Variants in NBEAL1 observed in about 807,000 individuals in gnomAD.
NBEAL1 encodes the protein neurobeachin like 1.
In NBEAL1, 273 loss-of-function variants were observed where a neutral mutation model predicts 351.3. The ratio of observed to expected loss-of-function variants is 0.78; its 90% CI spans 0.70 to 0.86. The LOEUF is 0.86. NBEAL1 is among the 40% of genes least tolerant of loss of function. The pLI is 0.00. For synonymous variants in NBEAL1, 1,050 were observed against 1,086.4 expected, an observed-to-expected ratio of 0.97 and a Z score of 0.66; for missense variants, 2,961 against 3,201.3, an observed-to-expected ratio of 0.92 and a Z score of 1.81.
At chr2:203,073,319 T>A (rs2061712490) in intron 7 of NBEAL1, among the ~76,000 whole-genome samples, 1 of 152,246 alleles carries the variant, frequency 6.6e-6, no homozygotes, top group East Asian at 1.9e-4. Context: ...TTTGTGTTTT[T>A]CATCACATGA....
chr2:203,067,553 TAAG>T (rs565042405), intron 6 of NBEAL1, among the ~76,000 whole-genome samples: 93 of 152,358 alleles, frequency 6.1e-4, no homozygotes, highest in African/African-American at 2.1e-3. Context: ...TTATGGTCAT[TAAG>T]AAGAAAGCAT....
chr2:203,118,594 CT>C (rs5837841), intron 18 of NBEAL1, among the ~76,000 whole-genome samples: 133 of 144,696 alleles, frequency 9.2e-4, no homozygotes, highest in Admixed American at 2.2e-3. Context: ...TGACAGCCAA[CT>C]TTTTTTTTTT....
At chr2:203,119,935 G>T (rs2062792292) in intron 18 of NBEAL1, among the ~76,000 whole-genome samples, 1 of 151,922 alleles carries the variant, frequency 6.6e-6, no homozygotes, top group South Asian at 2.1e-4. Context: ...AGTTTTTTTT[G>T]TACTCAATTG....
At position 203,113,059 on chromosome 2, in the gene NBEAL1, C is replaced by G; in HGVS notation, c.2247C>G (p.Thr749=). Reference sequence around the variant, plus strand: ...TTGGTTCAGCTGGGCAAAGAACCACCACTCCTCCACCATCCCAAATCCCAG... The same window carrying G: ...TTGGTTCAGCTGGGCAAAGAACCACGACTCCTCCACCATCCCAAATCCCAG... ...CCIGSAGQRT[T]TPPPSQIPDP... is the part of the protein sequence containing the mutation. Residue 749 remains threonine, a synonymous_variant, in exon 17 of 56, where the codon ACC becomes ACG. Coordinates refer to ENST00000683969, the MANE Select transcript of NBEAL1 (RefSeq NM_001378026.1). The G allele has an allele frequency of 6.5e-7, 1 of 1,532,346 alleles. No individual in the cohort carries two copies. The highest frequency in any genetic ancestry group is 8.8e-7 in the Non-Finnish European group (1 of 1,138,456). The allele number at this position is 1,532,346 out of a possible 1,614,324, so 94.9% of individuals were successfully genotyped here. A position where few individuals can be genotyped will look rare whatever the true frequency, so the allele number is the denominator to read the frequency against.
At position 203,221,889 on chromosome 2, in the gene NBEAL1, T is replaced by G. The variant is rs547538353; in HGVS notation, c.*4535T>G. Among the ~76,000 whole-genome samples the G allele has an allele frequency of 6.6e-6, 1 of 152,328 alleles. No homozygotes were observed. Among genetic ancestry groups the G allele is most frequent in the East Asian group, 1.9e-4 (1 of 5,190 alleles). On this transcript the variant is annotated 3_prime_UTR_variant, in exon 56 of 56. Transcript: ENST00000683969. Reference sequence around the variant, plus strand: ...TTTAAAATGTGGACCACAGCCTGCCTTCTTTAGTTTAAATCTAGGCCAAGC... The same window carrying G: ...TTTAAAATGTGGACCACAGCCTGCCGTCTTTAGTTTAAATCTAGGCCAAGC...
In NBEAL1 at chr2:203,157,804, A is replaced by G; in HGVS notation, c.5693A>G (p.Asp1898Gly). 1 of 1,573,032 alleles carries G rather than the reference A, an allele frequency of 6.4e-7. No homozygotes were observed. The highest frequency in any genetic ancestry group is 8.6e-7 in the Non-Finnish European group (1 of 1,162,466). ...GATAAATTAGACCTTCCTGAAGAGG[A>G]TATAACAGCTAGAGTAAATGTGTAT... ...VEDKLDLPEEDITARVNVDEK... is the reference protein window; with the variant it reads ...VEDKLDLPEEGITARVNVDEK... The change falls in exon 36 of 56, where the codon GAT becomes GGT. Residue 1898 changes from aspartate to glycine, a missense_variant. Physicochemically the swap from Asp to Gly is moderately conservative, Grantham distance 94. Transcript: ENST00000683969.
At chr2:203,023,940 T>G (rs2060810938) in intron 2 of NBEAL1, among the ~76,000 whole-genome samples, 1 of 152,162 alleles carries the variant, frequency 6.6e-6, no homozygotes, top group African/African-American at 2.4e-5. Context: ...ATCACGTCTC[T>G]GTTATTTAAA....
chr2:203,029,250 A>T (rs1177187595), intron 2 of NBEAL1, among the ~76,000 whole-genome samples: 1 of 152,146 alleles, frequency 6.6e-6, no homozygotes, highest in African/African-American at 2.4e-5. Context: ...TCAGCTTCCC[A>T]AAGTGTTGGG....
In NBEAL1 at chr2:203,175,226, A is replaced by G. The variant is rs563545803; in HGVS notation, c.6403A>G (p.Met2135Val). 5.0e-6 allele frequency: 8 copies of G among 1,614,012 alleles called. No homozygotes were observed. The South Asian group carries it at 7.7e-5, about 16-fold the overall frequency. The change falls in exon 42 of 56, where the codon ATG becomes GTG. Residue 2135 changes from methionine (M) to valine (V), a missense_variant. By Grantham distance (21) the Met-to-Val change is conservative. Transcript: ENST00000683969. The stretch of plus-strand genomic sequence containing the variant: ...TCACTATTCAAATTCTGCGGGGGTC[A>G]TGCACTATCTCATTCGTGTAGAACC... ...GTHYSNSAGV[M>V]HYLIRVEPFT...
chr2:203,031,885 C>T (rs1409348021), intron 2 of NBEAL1, among the ~76,000 whole-genome samples: 2 of 152,156 alleles, frequency 1.3e-5, no homozygotes, highest in African/African-American at 4.8e-5. Context: ...CTGGTATTTA[C>T]ACTCTTGTAT....
rs191172234 is a variant in NBEAL1, at chr2:203,220,224, G to A, written c.*2870G>A. Among the ~76,000 whole-genome samples the A allele has an allele frequency of 1.2e-3, 183 of 152,240 alleles. 1 individual carries two copies. Among genetic ancestry groups the A allele is most frequent in the African/African-American group, 3.8e-3 (157 of 41,546 alleles). On this transcript the variant is annotated 3_prime_UTR_variant, in exon 56 of 56. Transcript: ENST00000683969. The stretch of plus-strand genomic sequence containing the variant: ...TACCTGGCCAATTGTGGTGGCTCAC[G>A]CCTATAATCCCAGCTCTTTGGGAGG...
intron 6 of NBEAL1, among the ~76,000 whole-genome samples, chr2:203,058,220 C>T (rs748997675): frequency 6.6e-6 from 1 of 151,938 alleles, no homozygotes; most frequent in Non-Finnish European, 1.5e-5. Context: ...TTTTTAGACA[C>T]GAGATCTCAC....
intron 7 of NBEAL1, among the ~76,000 whole-genome samples, chr2:203,069,567 A>C (rs1317008791): frequency 1.3e-5 from 2 of 152,198 alleles, no homozygotes; most frequent in Non-Finnish European, 1.5e-5. Context: ...ATCCCATAAA[A>C]GCCTTTGTCT....
chr2:203,159,107 A>G (rs2063878221), intron 36 of NBEAL1, among the ~76,000 whole-genome samples: 1 of 152,054 alleles, frequency 6.6e-6, no homozygotes, highest in Non-Finnish European at 1.5e-5. Context: ...GCCACCAGAG[A>G]GTGAGCCGCT....
chr2:203,143,392 T>C (rs967740786), intron 31 of NBEAL1, among the ~76,000 whole-genome samples: 13 of 152,236 alleles, frequency 8.5e-5, no homozygotes, highest in African/African-American at 3.1e-4. Context: ...GTTCTTTATG[T>C]ATCAAAATAT....
At chr2:203,210,350 G>A (rs1243535986) in intron 53 of NBEAL1, among the ~76,000 whole-genome samples, 1 of 133,490 alleles carries the variant, frequency 7.5e-6, no homozygotes, top group East Asian at 2.3e-4. Flanking sequence ...ACAATAGAGC[G>A]AGACATGGCC....
chr2:203,021,901 A>G (rs2060777867), intron 2 of NBEAL1, among the ~76,000 whole-genome samples: 1 of 151,924 alleles, frequency 6.6e-6, no homozygotes, highest in African/African-American at 2.4e-5. Flanking sequence ...TACAAAAAAA[A>G]TTAGCCAGGC....
In NBEAL1 at chr2:203,151,528, G is replaced by A. The variant is rs747454395; in HGVS notation, c.5526G>A (p.Lys1842=). Residue 1842 remains lysine, a synonymous_variant, in exon 35 of 56, where the codon AAG becomes AAA. Coordinates refer to ENST00000683969, the MANE Select transcript of NBEAL1 (RefSeq NM_001378026.1). ...NVENYSRMRL[K]LVPNYNFKTH... ...AGAATTATTCCCGCATGAGACTTAA[G>A]CTGGTACCGAATTATAATTTCAAAA... 2.3e-5 allele frequency: 37 copies of A among 1,610,942 alleles called. No individual in the cohort carries two copies. Among genetic ancestry groups the A allele is most frequent in the East Asian group, 4.5e-5 (2 of 44,720 alleles).
chr2:203,178,527 G>T (rs1015558452), intron 42 of NBEAL1, among the ~76,000 whole-genome samples: 1 of 152,078 alleles, frequency 6.6e-6, no homozygotes, highest in Admixed American at 6.6e-5. Flanking sequence ...ACTGATAAAT[G>T]AATAATGTGA....
Sources: allele counts gnomAD v4.1 joint callset (sites outside exome capture counted in the v4.1 genomes callset), GRCh38; gene constraint gnomAD v4.1.1; transcripts MANE v1.5; gene names NCBI Gene and HGNC (gene_info 2026-07-23, HGNC 2026-07-21).